Variants in BAIAP2L1 observed in about 807,000 individuals in gnomAD.
BAIAP2L1 encodes BAR/IMD domain containing adaptor protein 2 like 1.
A neutral mutation model predicts 66.3 loss-of-function variants in BAIAP2L1; 35 were observed. The ratio of observed to expected loss-of-function variants is 0.53; its 90% CI spans 0.40 to 0.70. The LOEUF is 0.70. Ranked by LOEUF, BAIAP2L1 falls within the 30% of genes least tolerant of loss-of-function variation. The pLI is 0.00. For synonymous variants in BAIAP2L1, 269 were observed against 248.7 expected (o/e 1.08, Z -0.77); for missense variants, 622 against 656.9 (o/e 0.95, Z 0.58).
intron 3 of BAIAP2L1, among the ~76,000 whole-genome samples, chr7:98,321,565 G>A (rs1309387663): frequency 6.6e-6 from 1 of 152,152 alleles, no homozygotes; most frequent in African/African-American, 2.4e-5. Context: ...TCTCTGCAGT[G>A]AGTGGCAGTG....
chr7:98,349,874 T>C (rs1321224259), intron 3 of BAIAP2L1, among the ~76,000 whole-genome samples: 2 of 151,964 alleles, frequency 1.3e-5, no homozygotes, highest in East Asian at 1.9e-4. Flanking sequence ...CTGACCAACA[T>C]GGAGAAACCC....
chr7:98,306,382 G>A (rs1012660837), intron 11 of BAIAP2L1, 57 bp downstream of exon 11: 88 of 1,597,656 alleles, frequency 5.5e-5, no homozygotes, highest in Non-Finnish European at 7.3e-5. Context: ...GTGTGTTACA[G>A]AAACGACAAG....
chr7:98,312,122 G>A lies in BAIAP2L1; in HGVS notation c.782C>T (p.Ser261Leu). ...CACATTGCTTCTCTCGATCATGGGT[G>A]AAGCCTGAGGAGTTCCAGACACGGG... ...STPVSGTPQASPMIERSNVVR... is the reference protein window; with the variant it reads ...STPVSGTPQALPMIERSNVVR... The change falls in exon 8 of 14, where the codon TCA becomes TTA. Residue 261 changes from serine (S) to leucine (L), a missense_variant. Physicochemically the swap from Ser to Leu is moderately radical, Grantham distance 145 (BLOSUM62 -2). Transcript: ENST00000005260. 6.2e-7 allele frequency: 1 copy of A among 1,609,838 alleles called. No individual in the cohort carries two copies. Among genetic ancestry groups the A allele is most frequent in the South Asian group, 1.1e-5 (1 of 90,236 alleles).
intron 3 of BAIAP2L1, among the ~76,000 whole-genome samples, chr7:98,353,030 G>A (rs1191610180): frequency 6.6e-6 from 1 of 151,868 alleles, no homozygotes; most frequent in African/African-American, 2.4e-5. Flanking sequence ...AATATCCTAG[G>A]TTTTGCTGTC....
chr7:98,396,248 T>C (rs551035103), intron 1 of BAIAP2L1, among the ~76,000 whole-genome samples: 5 of 151,994 alleles, frequency 3.3e-5, no homozygotes, highest in Admixed American at 6.6e-5. Flanking sequence ...TTTTGTATCT[T>C]TGTAGAGGTA....
chr7:98,307,739 G>T lies in BAIAP2L1; in HGVS notation c.1113C>A (p.Ile371=). ...FAQGDVITLL[I]PEEKDGWLYG... ...AGAGCCAGCCATCCTTCTCCTCGGGGATGAGCAGCGTGATGACATCTCCCT... is the reference window on the plus strand; with the variant it reads ...AGAGCCAGCCATCCTTCTCCTCGGGTATGAGCAGCGTGATGACATCTCCCT... The change falls in exon 10 of 14, where the codon ATC becomes ATA. Residue 371 remains isoleucine (I), a synonymous_variant. Coordinates refer to ENST00000005260, the MANE Select transcript of BAIAP2L1 (RefSeq NM_018842.5). 1 of 1,614,262 alleles carries T rather than the reference G, an allele frequency of 6.2e-7. No individual in the cohort carries two copies. The highest frequency in any genetic ancestry group is 8.5e-7 in the Non-Finnish European group (1 of 1,180,052).
At chr7:98,302,940 G>A (rs1405701115) in intron 12 of BAIAP2L1, among the ~76,000 whole-genome samples, 3 of 151,972 alleles carry the variant, frequency 2.0e-5, no homozygotes, top group Non-Finnish European at 4.4e-5. Flanking sequence ...ATGTGCCACC[G>A]TACCTGGCTA....
At chr7:98,332,028 T>C (rs1199730996) in intron 3 of BAIAP2L1, among the ~76,000 whole-genome samples, 1 of 151,986 alleles carries the variant, frequency 6.6e-6, no homozygotes, top group Non-Finnish European at 1.5e-5. Flanking sequence ...TGGGAAAAGA[T>C]GTTAAAAGAA....
chr7:98,385,334 C>T (rs927468846), intron 1 of BAIAP2L1, among the ~76,000 whole-genome samples: 1 of 151,924 alleles, frequency 6.6e-6, no homozygotes, highest in Non-Finnish European at 1.5e-5. Flanking sequence ...GCGGCCTTTG[C>T]GATCTGAGGA....
rs985297898 is a variant in BAIAP2L1, at chr7:98,401,031, G to T, written c.-179C>A. On this transcript the variant is annotated 5_prime_UTR_variant, in exon 1 of 14. Coordinates refer to ENST00000005260, the MANE Select transcript of BAIAP2L1 (RefSeq NM_018842.5). ...CCGCTGCGAAAATGTCAAAACTTGC[G>T]GCAGCGCCGCCCTGGCCTTCTTCGA... 10 of 471,082 alleles carry T rather than the reference G, an allele frequency of 2.1e-5. No individual in the cohort carries two copies. The Admixed American group carries it at 4.6e-4, about 22-fold the overall frequency. 29.2% of individuals were successfully genotyped at this position (471,082 alleles called of 1,614,324 possible). A position where few individuals can be genotyped will look rare whatever the true frequency, so the allele number is the denominator to read the frequency against.
intron 1 of BAIAP2L1, among the ~76,000 whole-genome samples, chr7:98,378,792 T>C (rs1173801783): frequency 1.3e-5 from 2 of 151,788 alleles, no homozygotes; most frequent in Non-Finnish European, 1.5e-5. Context: ...CACGCCACCA[T>C]GTCCATGGCT....
chr7:98,346,598 C>A (rs781468795), intron 3 of BAIAP2L1, among the ~76,000 whole-genome samples: 1 of 152,084 alleles, frequency 6.6e-6, no homozygotes, highest in Non-Finnish European at 1.5e-5. Context: ...AGGACTTATG[C>A]GACTAGATAC....
intron 3 of BAIAP2L1, among the ~76,000 whole-genome samples, chr7:98,341,694 C>T (rs1272999565): frequency 6.6e-6 from 1 of 152,126 alleles, no homozygotes; most frequent in Non-Finnish European, 1.5e-5. Context: ...ATCTATAAAA[C>T]GGAAATAACA....
At chr7:98,371,877 C>T (rs916200607) in intron 1 of BAIAP2L1, among the ~76,000 whole-genome samples, 8 of 151,768 alleles carry the variant, frequency 5.3e-5, no homozygotes, top group Non-Finnish European at 1.2e-4. Context: ...TCACTGCAAG[C>T]TCCGCCTCCC....
intron 1 of BAIAP2L1, among the ~76,000 whole-genome samples, chr7:98,399,236 C>T (rs971036746): frequency 6.6e-6 from 1 of 152,172 alleles, no homozygotes; most frequent in African/African-American, 2.4e-5. Context: ...GTCACAGTGA[C>T]TGAGCATCAA....
chr7:98,331,951 G>A (rs1375302988), intron 3 of BAIAP2L1, among the ~76,000 whole-genome samples: 2 of 152,162 alleles, frequency 1.3e-5, no homozygotes, highest in African/African-American at 2.4e-5. Context: ...CTTCAAAAGT[G>A]AAGAAGAGAT....
chr7:98,315,545 G>A lies in BAIAP2L1; in HGVS notation c.554C>T (p.Ala185Val). The change falls in exon 7 of 14, where the codon GCT becomes GTT. Residue 185 changes from alanine (A) to valine (V), a missense_variant. By Grantham distance (64) the Ala-to-Val change is moderately conservative. Transcript: ENST00000005260. ...GAAGCGCCTCTTCTCTTCAAGCAGA[G>A]CCTCTTTGCAACCATCTGCAATGAA... ...QKFIADGCKE[A>V]LLEEKRRFCF... 1.3e-6 allele frequency: 2 copies of A among 1,516,962 alleles called. No homozygotes were observed. Among genetic ancestry groups the A allele is most frequent in the Non-Finnish European group, 1.8e-6 (2 of 1,123,704 alleles). 94.0% of individuals were successfully genotyped at this position (1,516,962 alleles called of 1,614,324 possible). A position where few individuals can be genotyped will look rare whatever the true frequency, so the allele number is the denominator to read the frequency against.
At chr7:98,338,995 C>G (rs1274812499) in intron 3 of BAIAP2L1, among the ~76,000 whole-genome samples, 1 of 151,718 alleles carries the variant, frequency 6.6e-6, no homozygotes, top group Non-Finnish European at 1.5e-5. Context: ...ATCGCTTGAA[C>G]CCAGGAGGCA....
intron 12 of BAIAP2L1, 67 bp from the exon 13 acceptor site, chr7:98,294,178 A>G: frequency 6.5e-7 from 1 of 1,540,658 alleles, no homozygotes; most frequent in South Asian, 1.1e-5. Flanking sequence ...TTTTAGGTAG[A>G]GATGGGGATT....
Sources: allele counts gnomAD v4.1 joint callset (sites outside exome capture counted in the v4.1 genomes callset), GRCh38; gene constraint gnomAD v4.1.1; transcripts MANE v1.5; gene names NCBI Gene and HGNC (gene_info 2026-07-23, HGNC 2026-07-21).